Variants in ANKS1B observed in about 807,000 individuals in gnomAD.
ANKS1B encodes ankyrin repeat and sterile alpha motif domain containing 1B, also known as ankyrin repeat and sterile alpha motif domain-containing protein 1B.
ANKS1B carries 36 observed loss-of-function variants against 148.3 expected under a neutral mutation model. The ratio of observed to expected loss-of-function variants is 0.24; its 90% CI spans 0.19 to 0.32. The LOEUF (loss-of-function observed/expected upper bound fraction) is 0.32. Ranked by LOEUF, ANKS1B falls within the 10% of genes least tolerant of loss-of-function variation. ANKS1B has a pLI of 1.00. For missense variants in ANKS1B, 1,157 were observed against 1,542.6 expected, an observed-to-expected ratio of 0.75 and a Z score of 4.19; for synonymous variants, 542 against 560.8, an observed-to-expected ratio of 0.97 and a Z score of 0.47.
At chr12:98,865,958 A>C (rs1454136341) in intron 17 of ANKS1B, among the ~76,000 whole-genome samples, 1 of 152,176 alleles carries the variant, frequency 6.6e-6, no homozygotes, top group Non-Finnish European at 1.5e-5. Context: ...GCTTCCTAAT[A>C]GATGGCCGTC....
intron 17 of ANKS1B, among the ~76,000 whole-genome samples, chr12:99,028,706 C>A (rs1374511351): frequency 6.6e-6 from 1 of 152,114 alleles, no homozygotes; most frequent in Non-Finnish European, 1.5e-5. Context: ...CATAGCTGTA[C>A]AAAAGAATAA....
At chr12:99,539,184 G>A (rs1287504675) in intron 9 of ANKS1B, among the ~76,000 whole-genome samples, 5 of 152,084 alleles carry the variant, frequency 3.3e-5, no homozygotes, top group Non-Finnish European at 7.4e-5. Flanking sequence ...ACTAAAAAAC[G>A]TAAAAAGTGT....
At chr12:98,816,392 T>C (rs914151746) in intron 19 of ANKS1B, among the ~76,000 whole-genome samples, 4 of 152,124 alleles carry the variant, frequency 2.6e-5, no homozygotes, top group Non-Finnish European at 4.4e-5. Context: ...ACCTCCTAGG[T>C]TCAAATGATT....
At chr12:99,954,881 A>C (rs1302518504) in intron 1 of ANKS1B, among the ~76,000 whole-genome samples, 4 of 152,150 alleles carry the variant, frequency 2.6e-5, no homozygotes, top group African/African-American at 9.7e-5. Context: ...TACCTCATTC[A>C]TATTCTAAGA....
At chr12:98,899,044 G>A (rs1307471112) in intron 17 of ANKS1B, among the ~76,000 whole-genome samples, 1 of 152,162 alleles carries the variant, frequency 6.6e-6, no homozygotes, top group African/African-American at 2.4e-5. Context: ...TCCAAAGATG[G>A]TGGTAATTTT....
chr12:98,785,581 A>G (rs1041103332), intron 22 of ANKS1B, among the ~76,000 whole-genome samples: 1 of 152,226 alleles, frequency 6.6e-6, no homozygotes, highest in African/African-American at 2.4e-5. Flanking sequence ...TCATTTCATG[A>G]AGGCTTTACA....
At chr12:98,788,143 G>T (rs968817747) in intron 22 of ANKS1B, among the ~76,000 whole-genome samples, 1 of 151,760 alleles carries the variant, frequency 6.6e-6, no homozygotes, top group Non-Finnish European at 1.5e-5. Context: ...GGTGGCTCAC[G>T]CCTGTAATCC....
In ANKS1B at chr12:99,431,160, A is replaced by C. The variant is rs138369948; in HGVS notation, c.1575+12513T>G. ...TTCTAATTATTTGTTTTTCCATTTT[A>C]GGCATTTAGCACCATTGATTTAAAA... On this transcript the variant is annotated intron_variant, in intron 11 of 26. Coordinates refer to ENST00000683438, the MANE Select transcript of ANKS1B (RefSeq NM_001352186.2). Among the ~76,000 whole-genome samples the C allele has an allele frequency of 1.2e-4, 19 of 152,348 alleles. No homozygotes were observed. The East Asian group carries it at 3.5e-3, about 28-fold the overall frequency.
chr12:99,638,461 A>G (rs1262111437), intron 9 of ANKS1B, among the ~76,000 whole-genome samples: 1 of 152,228 alleles, frequency 6.6e-6, no homozygotes, highest in Non-Finnish European at 1.5e-5. Context: ...ATGCTTTAGC[A>G]AAGAGACTGG....
chr12:98,873,464 T>C (rs1230037378), intron 17 of ANKS1B, among the ~76,000 whole-genome samples: 1 of 152,188 alleles, frequency 6.6e-6, no homozygotes, highest in African/African-American at 2.4e-5. Flanking sequence ...TATTAAGTGA[T>C]ATAAGGTTTA....
At chr12:99,428,470 C>G (rs2095304127) in intron 11 of ANKS1B, among the ~76,000 whole-genome samples, 1 of 152,046 alleles carries the variant, frequency 6.6e-6, no homozygotes, top group Non-Finnish European at 1.5e-5. Context: ...ATAAAGGAAG[C>G]TAGGTTTCTG....
chr12:99,091,814 G>A (rs2054103070), intron 15 of ANKS1B, among the ~76,000 whole-genome samples: 1 of 152,006 alleles, frequency 6.6e-6, no homozygotes, highest in African/African-American at 2.4e-5. Flanking sequence ...CTATGAGGTA[G>A]GTAGCTTGTT....
chr12:99,728,802 G>C (rs1175147017), intron 8 of ANKS1B, among the ~76,000 whole-genome samples: 2 of 152,132 alleles, frequency 1.3e-5, no homozygotes, highest in Non-Finnish European at 2.9e-5. Flanking sequence ...AAAGAAATGA[G>C]ACCTTGTCCT....
intron 17 of ANKS1B, among the ~76,000 whole-genome samples, chr12:98,839,927 T>C (rs1293473989): frequency 6.6e-6 from 1 of 152,154 alleles, no homozygotes; most frequent in Non-Finnish European, 1.5e-5. Flanking sequence ...ACTCTCTTTT[T>C]TTTGCGTATG....
chr12:99,418,651 T>C (rs2094984814), intron 11 of ANKS1B, among the ~76,000 whole-genome samples: 1 of 152,198 alleles, frequency 6.6e-6, no homozygotes, highest in Non-Finnish European at 1.5e-5. Flanking sequence ...TTTTTCTTCT[T>C]GGCACAGGTT....
chr12:99,686,584 A>C (rs1237775839), intron 8 of ANKS1B, among the ~76,000 whole-genome samples: 1 of 152,188 alleles, frequency 6.6e-6, no homozygotes, highest in African/African-American at 2.4e-5. Flanking sequence ...AAAACTATGA[A>C]TCAAGAATCC....
At chr12:99,198,141 T>G (rs984476887) in intron 14 of ANKS1B, among the ~76,000 whole-genome samples, 3 of 152,104 alleles carry the variant, frequency 2.0e-5, no homozygotes, top group Non-Finnish European at 4.4e-5. Flanking sequence ...TAGGAATACT[T>G]TTTTCTTATG....
chr12:99,751,898 G>A (rs1046941194), intron 8 of ANKS1B, among the ~76,000 whole-genome samples: 3 of 152,046 alleles, frequency 2.0e-5, no homozygotes, highest in African/African-American at 7.2e-5. Context: ...ATGTTTTGAT[G>A]GAGGAGGAAA....
chr12:99,164,604 T>C (rs1444521637), intron 14 of ANKS1B, among the ~76,000 whole-genome samples: 1 of 152,034 alleles, frequency 6.6e-6, no homozygotes. Flanking sequence ...TACCAATTAT[T>C]TCCCTCTCAA....
Sources: gnomAD v4.1 joint callset for allele counts (sites outside exome capture counted in the v4.1 genomes callset) on GRCh38, gnomAD v4.1.1 for gene constraint, MANE v1.5 for transcripts, NCBI Gene and HGNC (gene_info 2026-07-23, HGNC 2026-07-21) for gene names.